CTNND2: variants seen among roughly 807,000 people sequenced by gnomAD.
CTNND2 encodes catenin delta 2.
A neutral mutation model predicts 144.4 loss-of-function variants in CTNND2; 22 were observed. That is an observed-to-expected ratio of 0.15 (90% confidence interval 0.11 to 0.22). The LOEUF is 0.22. Among genes scored for constraint, CTNND2 ranks in the 10% least tolerant of loss-of-function variants. CTNND2 has a pLI of 1.00. For missense variants in CTNND2, 1,353 were observed against 1,618.8 expected, an observed-to-expected ratio of 0.84 and a Z score of 2.82; for synonymous variants, 751 against 695.6, an observed-to-expected ratio of 1.08 and a Z score of -1.25.
At chr5:11,610,585 C>A (rs62338628) in intron 2 of CTNND2, among the ~76,000 whole-genome samples, 2,600 of 152,314 alleles carry the variant, frequency 0.017, 38 homozygotes, top group Non-Finnish European at 0.028. Context: ...TCTCCTCCAC[C>A]TGCCTATCTT....
chr5:11,780,486 C>T (rs1021481593), intron 1 of CTNND2, among the ~76,000 whole-genome samples: 1 of 152,166 alleles, frequency 6.6e-6, no homozygotes, highest in Non-Finnish European at 1.5e-5. Context: ...CACCTCACAT[C>T]TTCCTCTGCC....
chr5:10,975,169 G>A (rs1178922242), intron 21 of CTNND2, among the ~76,000 whole-genome samples: 2 of 152,138 alleles, frequency 1.3e-5, no homozygotes, highest in African/African-American at 4.8e-5. Flanking sequence ...TGCTAGGTTG[G>A]GGTGCCCTTT....
At chr5:11,593,458 T>C (rs1027949039) in intron 2 of CTNND2, among the ~76,000 whole-genome samples, 9 of 152,294 alleles carry the variant, frequency 5.9e-5, no homozygotes, top group South Asian at 4.1e-4. Context: ...TGGCAAACGA[T>C]TGATATAGTT....
At chr5:11,220,864 A>G (rs1739721452) in intron 10 of CTNND2, among the ~76,000 whole-genome samples, 1 of 152,200 alleles carries the variant, frequency 6.6e-6, no homozygotes, top group South Asian at 2.1e-4. Context: ...ATTCTTTCAA[A>G]CAATCTTTGG....
chr5:11,830,322 T>TTGA (rs1793827411), intron 1 of CTNND2, among the ~76,000 whole-genome samples: 1 of 152,216 alleles, frequency 6.6e-6, no homozygotes, highest in Non-Finnish European at 1.5e-5. Flanking sequence ...ATGATATGGT[T>TTGA]TGATTGTGTC....
At chr5:11,454,590 G>GT (rs199576633) in intron 3 of CTNND2, among the ~76,000 whole-genome samples, 17 of 142,742 alleles carry the variant, frequency 1.2e-4, no homozygotes, top group African/African-American at 4.2e-4. Flanking sequence ...ATAACAGAAA[G>GT]TTTTTTTTCC....
At chr5:11,397,752 C>T (rs1192174828) in intron 5 of CTNND2, among the ~76,000 whole-genome samples, 2 of 152,288 alleles carry the variant, frequency 1.3e-5, no homozygotes, top group Admixed American at 6.5e-5. Flanking sequence ...CGTCGCCTCA[C>T]ATAATCCCTG....
chr5:11,212,294 A>G (rs1416881702), intron 10 of CTNND2, among the ~76,000 whole-genome samples: 1 of 152,220 alleles, frequency 6.6e-6, no homozygotes, highest in Non-Finnish European at 1.5e-5. Flanking sequence ...GCCCACAGGA[A>G]AGTCACAAAA....
At chr5:11,512,282 A>C (rs978687429) in intron 3 of CTNND2, among the ~76,000 whole-genome samples, 1 of 152,212 alleles carries the variant, frequency 6.6e-6, no homozygotes, top group South Asian at 2.1e-4. Context: ...TTCAGTCCTC[A>C]AATCCTATAA....
chr5:11,519,473 G>A (rs1047040159), intron 3 of CTNND2, among the ~76,000 whole-genome samples: 5 of 150,112 alleles, frequency 3.3e-5, no homozygotes, highest in Non-Finnish European at 5.9e-5. Context: ...GTGACTTAAA[G>A]GCTCTATGGT....
chr5:11,211,599 C>T (rs1044847452), intron 10 of CTNND2, among the ~76,000 whole-genome samples: 2 of 152,206 alleles, frequency 1.3e-5, no homozygotes, highest in Non-Finnish European at 2.9e-5. Context: ...TGTTGATAAT[C>T]ATCACAGCAG....
chr5:11,428,278 C>T (rs1762975298), intron 3 of CTNND2, among the ~76,000 whole-genome samples: 2 of 152,102 alleles, frequency 1.3e-5, no homozygotes, highest in Non-Finnish European at 2.9e-5. Context: ...AAAATCTGAC[C>T]ATCAGCAATC....
chr5:11,604,409 T>C (rs921454605), intron 2 of CTNND2, among the ~76,000 whole-genome samples: 5 of 152,202 alleles, frequency 3.3e-5, no homozygotes, highest in African/African-American at 4.8e-5. Flanking sequence ...GAAAGCACTA[T>C]TGATCTCTTT....
intron 3 of CTNND2, among the ~76,000 whole-genome samples, chr5:11,547,130 T>C (rs1039986099): frequency 8.5e-5 from 13 of 152,096 alleles, no homozygotes; most frequent in African/African-American, 2.7e-4. Flanking sequence ...TTAGCGGGCA[T>C]GGTGGCAGGC....
chr5:11,036,896 C>A lies in CTNND2; in HGVS notation c.2789-13917G>T, dbSNP rs974814173. Among the ~76,000 whole-genome samples, 4 of 152,162 alleles carry A rather than the reference C, an allele frequency of 2.6e-5. No homozygotes were observed. In the East Asian group the frequency reaches 7.7e-4, roughly 29 times the overall value. On this transcript the variant is annotated intron_variant, in intron 16 of 21. Transcript: ENST00000304623. ...TGTCCTGTTCATCAAGAATCCAATA[C>A]AAAAAGACCTGCCAAGACATGAAAA...
In CTNND2 at chr5:11,580,985, T is replaced by C. The variant is rs535179998; in HGVS notation, c.175-15929A>G. ...TGTTTTCCATGGCCTCTTCCACAAC[T>C]CAAAACACCCAACAGTTTATATATG... On this transcript the variant is annotated intron_variant, in intron 2 of 21. Coordinates refer to ENST00000304623, the MANE Select transcript of CTNND2 (RefSeq NM_001332.4). Among the ~76,000 whole-genome samples, 47 of 152,274 alleles carry C rather than the reference T, an allele frequency of 3.1e-4. No individual in the cohort carries two copies. In the South Asian group the frequency reaches 9.7e-3, roughly 32 times the overall value.
intron 3 of CTNND2, among the ~76,000 whole-genome samples, chr5:11,532,257 C>T (rs186228813): frequency 6.6e-6 from 1 of 152,152 alleles, no homozygotes; most frequent in Admixed American, 6.5e-5. Context: ...TTTCCCTTCC[C>T]ATCCCTTGCC....
intron 2 of CTNND2, chr5:11,588,936 C>T: frequency 2.0e-6 from 2 of 985,332 alleles, no homozygotes; most frequent in Non-Finnish European, 2.4e-6. Flanking sequence ...AGCTCAAAAA[C>T]CGAGAAGGGA....
At chr5:11,230,368 T>TA (rs34883596) in intron 10 of CTNND2, among the ~76,000 whole-genome samples, 132,548 of 150,140 alleles carry the variant, frequency 0.88, 58,641 homozygotes, top group East Asian at 0.97. Flanking sequence ...AAAGTATAAT[T>TA]AAAAAAAAAA....
Sources: gnomAD v4.1 joint callset for allele counts (sites outside exome capture counted in the v4.1 genomes callset) on GRCh38, gnomAD v4.1.1 for gene constraint, MANE v1.5 for transcripts, NCBI Gene and HGNC (gene_info 2026-07-23, HGNC 2026-07-21) for gene names.